Variants in CSMD1 observed in about 807,000 individuals in gnomAD.
The protein encoded by CSMD1 is CUB and sushi domain-containing protein 1.
A neutral mutation model predicts 417.5 loss-of-function variants in CSMD1; 213 were observed. The observed-to-expected ratio is 0.51, with a 90% CI of 0.46 to 0.57. CSMD1 has a LOEUF of 0.57. CSMD1 is among the 20% of genes least tolerant of loss of function. The pLI, the probability that CSMD1 is intolerant of heterozygous loss-of-function variation, is 0.00. For synonymous variants in CSMD1, 2,862 were observed against 1,736.8 expected (o/e 1.65, Z -16.11); for missense variants, 6,923 against 4,529.7 (o/e 1.53, Z -15.17).
chr8:4,503,385 GT>G lies in CSMD1; in HGVS notation c.303-83321del, dbSNP rs200264537. ...CATCATACTCAACTTTTGCTCAACT[GT>G]TTTGAATGTATCAGCTAATAAAATA... On this transcript the variant is annotated intron_variant, in intron 2 of 69. Transcript: ENST00000635120. Among the ~76,000 whole-genome samples the G allele has an allele frequency of 1.0e-3, 153 of 152,172 alleles. 2 individuals carry two copies. In the East Asian group the frequency reaches 0.027, roughly 27 times the overall value.
chr8:3,709,460 G>T (rs1436396153), intron 6 of CSMD1, among the ~76,000 whole-genome samples: 1 of 152,066 alleles, frequency 6.6e-6, no homozygotes, highest in Non-Finnish European at 1.5e-5. Flanking sequence ...GCACCACAAG[G>T]TGCTCAGACA....
chr8:4,196,491 A>G (rs1014892079), intron 3 of CSMD1, among the ~76,000 whole-genome samples: 2 of 152,102 alleles, frequency 1.3e-5, no homozygotes, highest in African/African-American at 4.8e-5. Flanking sequence ...TTTAGAATCC[A>G]GTTTGTTACA....
chr8:3,817,996 C>A (rs2623635), intron 5 of CSMD1, among the ~76,000 whole-genome samples: 72,418 of 151,968 alleles, frequency 0.48, 18,227 homozygotes, highest in African/African-American at 0.63. Flanking sequence ...AAGAAAAAGC[C>A]CATTTTTACT....
At chr8:3,975,140 C>T (rs184361850) in intron 5 of CSMD1, among the ~76,000 whole-genome samples, 380 of 152,264 alleles carry the variant, frequency 2.5e-3, no homozygotes, top group African/African-American at 8.7e-3. Flanking sequence ...CCATGGAATG[C>T]AAACGAGAGG....
intron 26 of CSMD1, among the ~76,000 whole-genome samples, chr8:3,238,582 A>AT (rs1360021320): frequency 6.6e-6 from 1 of 151,984 alleles, no homozygotes; most frequent in African/African-American, 2.4e-5. Flanking sequence ...CTGAAGGAAG[A>AT]TTTTGTGGTA....
In CSMD1 at chr8:3,838,718, TAATA is replaced by T. The variant is rs1324603463; in HGVS notation, c.819-84680_819-84677del. On this transcript the variant is annotated intron_variant, in intron 5 of 69. Coordinates refer to ENST00000635120, the MANE Select transcript of CSMD1 (RefSeq NM_033225.6). ...AATAAATATTATATAGTATAATATA[TAATA>T]AATTAATATTATATAGTATAATATA... is the stretch of plus-strand genomic sequence containing the variant. Among the ~76,000 whole-genome samples the T allele has an allele frequency of 1.2e-3, 107 of 87,678 alleles. 22 individuals are homozygous for T. Among genetic ancestry groups the T allele is most frequent in the Non-Finnish European group, 1.9e-3 (98 of 52,110 alleles). 57.5% of individuals were successfully genotyped at this position (87,678 alleles called of 152,430 possible). A position where few individuals can be genotyped will look rare whatever the true frequency, so the allele number is the denominator to read the frequency against.
At chr8:4,797,682 T>C (rs1278062260) in intron 1 of CSMD1, among the ~76,000 whole-genome samples, 1 of 152,190 alleles carries the variant, frequency 6.6e-6, no homozygotes, top group Non-Finnish European at 1.5e-5. Flanking sequence ...ATAGGAATGC[T>C]TTCCTTAAGA....
chr8:3,127,146 C>T (rs982877126), intron 41 of CSMD1, among the ~76,000 whole-genome samples: 1 of 152,162 alleles, frequency 6.6e-6, no homozygotes, highest in Admixed American at 6.5e-5. Context: ...GAATCTTAGC[C>T]TTTTCTGTCT....
At chr8:3,085,066 T>C (rs1814423979) in intron 49 of CSMD1, among the ~76,000 whole-genome samples, 1 of 152,134 alleles carries the variant, frequency 6.6e-6, no homozygotes, top group African/African-American at 2.4e-5. Flanking sequence ...GAATTAGTAT[T>C]TGCGAGATTC....
intron 4 of CSMD1, among the ~76,000 whole-genome samples, chr8:4,016,967 A>T (rs1796552899): frequency 1.3e-5 from 2 of 152,170 alleles, no homozygotes; most frequent in South Asian, 4.1e-4. Context: ...CAAAATCCCT[A>T]ATGTCTAAAA....
At chr8:4,064,517 T>A (rs1389319156) in intron 3 of CSMD1, among the ~76,000 whole-genome samples, 2 of 152,210 alleles carry the variant, frequency 1.3e-5, no homozygotes, top group African/African-American at 4.8e-5. Context: ...AGGGATAACA[T>A]CCAAGTGAAG....
At chr8:4,244,583 C>A (rs547325708) in intron 3 of CSMD1, among the ~76,000 whole-genome samples, 1 of 151,654 alleles carries the variant, frequency 6.6e-6, no homozygotes, top group Non-Finnish European at 1.5e-5. Context: ...TAAATATCAA[C>A]TATTGTAGAT....
chr8:3,706,308 T>C (rs557802381), intron 7 of CSMD1, among the ~76,000 whole-genome samples: 2 of 152,348 alleles, frequency 1.3e-5, no homozygotes, highest in African/African-American at 4.8e-5. Flanking sequence ...AGGCATATAC[T>C]TGCACAGCTA....
chr8:4,291,693 G>T (rs556254134), intron 3 of CSMD1, among the ~76,000 whole-genome samples: 1 of 152,170 alleles, frequency 6.6e-6, no homozygotes, highest in South Asian at 2.1e-4. Context: ...TTTATTCAAC[G>T]GGTGGTAAAA....
chr8:4,507,946 G>T (rs1802613339), intron 2 of CSMD1, among the ~76,000 whole-genome samples: 1 of 152,072 alleles, frequency 6.6e-6, no homozygotes, highest in South Asian at 2.1e-4. Context: ...GTATCAGCAG[G>T]AGGGGACCCT....
intron 5 of CSMD1, among the ~76,000 whole-genome samples, chr8:3,969,011 A>C (rs1812886311): frequency 1.3e-5 from 2 of 152,136 alleles, no homozygotes; most frequent in African/African-American, 4.8e-5. Flanking sequence ...AGCACTTTGG[A>C]AGGCCGAGGC....
chr8:4,246,579 A>C (rs1802723755), intron 3 of CSMD1, among the ~76,000 whole-genome samples: 1 of 152,162 alleles, frequency 6.6e-6, no homozygotes. Flanking sequence ...AATTATTTGC[A>C]ATTCTCCTGT....
chr8:4,371,370 C>A (rs963637183), intron 3 of CSMD1, among the ~76,000 whole-genome samples: 4 of 151,982 alleles, frequency 2.6e-5, no homozygotes, highest in Non-Finnish European at 5.9e-5. Flanking sequence ...AGAGAAACTT[C>A]CTGTTATATT....
intron 6 of CSMD1, among the ~76,000 whole-genome samples, chr8:3,746,537 A>G (rs1797072485): frequency 6.6e-6 from 1 of 152,240 alleles, no homozygotes; most frequent in African/African-American, 2.4e-5. Flanking sequence ...AGTGCACTGA[A>G]TTAAAATTCT....
Sources: allele counts gnomAD v4.1 joint callset (sites outside exome capture counted in the v4.1 genomes callset), GRCh38; gene constraint gnomAD v4.1.1; transcripts MANE v1.5; gene names NCBI Gene and HGNC (gene_info 2026-07-23, HGNC 2026-07-21).